The following MICAL3 variants were observed in gnomAD, a reference collection of about 807,000 sequenced individuals.
The protein encoded by MICAL3 is microtubule associated monooxygenase, calponin and LIM domain containing 3, also known as [F-actin]-monooxygenase MICAL3.
Under a neutral mutation model 207.4 loss-of-function variants are expected in MICAL3, and 62 were observed. The observed-to-expected ratio is 0.30, with a 90% CI of 0.24 to 0.37. The LOEUF is 0.37. MICAL3 is among the 10% of genes least tolerant of loss of function. The pLI is 1.00. For synonymous variants in MICAL3, 1,077 were observed against 1,069.3 expected (o/e 1.01, Z -0.14); for missense variants, 2,368 against 2,635.6 (o/e 0.90, Z 2.22).
rs114745169 is a variant in MICAL3, at chr22:17,900,262, T to C, written c.847+580A>G. 6.6e-6 allele frequency among the ~76,000 whole-genome samples: 1 copy of C among 152,164 alleles called. No individual in the cohort carries two copies. Among genetic ancestry groups the C allele is most frequent in the African/African-American group, 2.4e-5 (1 of 41,506 alleles). On this transcript the variant is annotated intron_variant, in intron 6 of 31. Coordinates refer to ENST00000441493, the MANE Select transcript of MICAL3 (RefSeq NM_015241.3). This position sits in a 1 kb window ranked among gnomAD's most constrained non-coding sequence, Gnocchi z 4.0. ...TCAGCATCACAGCACAGGGCAGGCA[T>C]TGGGAAGAACTAGTGGAGGCAGAAC... is the stretch of plus-strand genomic sequence containing the variant.
At position 17,790,637 on chromosome 22, in the gene MICAL3, G is replaced by A. The variant is rs376461892; in HGVS notation, c.*95C>T. On this transcript the variant is annotated 3_prime_UTR_variant, in exon 32 of 32. Transcript: ENST00000441493. ...GGCATCTGAGCGTAAACTCCAAGGA[G>A]GTGCCAGGCCTCCTCAGATCGCGGC... 1.7e-6 allele frequency: 2 copies of A among 1,161,634 alleles called. No homozygotes were observed. The highest frequency in any genetic ancestry group is 2.4e-6 in the Non-Finnish European group (2 of 831,070). 72.0% of individuals were successfully genotyped at this position (1,161,634 alleles called of 1,614,324 possible).
chr22:17,878,597 G>A (rs1929113181), intron 16 of MICAL3, among the ~76,000 whole-genome samples: 1 of 152,192 alleles, frequency 6.6e-6, no homozygotes, highest in Non-Finnish European at 1.5e-5. Context: ...AACCAAAATG[G>A]CTTTTGTGAG....
chr22:17,838,379 C>T (rs1395766235), intron 20 of MICAL3, among the ~76,000 whole-genome samples: 3 of 152,184 alleles, frequency 2.0e-5, no homozygotes, highest in Non-Finnish European at 4.4e-5. Flanking sequence ...AAACCCAAGT[C>T]CCGGCATCAA....
chr22:17,815,090 T>G (rs891098706), intron 27 of MICAL3: 1 of 152,274 alleles, frequency 6.6e-6, no homozygotes, highest in Non-Finnish European at 1.5e-5. Flanking sequence ...GTATGTGACG[T>G]CTAGCAAACG....
At position 17,798,096 on chromosome 22, in the gene MICAL3, G is replaced by C. The variant is rs1569068225; in HGVS notation, c.5651-6795C>G. 3.9e-5 allele frequency among the ~76,000 whole-genome samples: 6 copies of C among 152,240 alleles called. 1 individual carries two copies. In the South Asian group the frequency reaches 1.2e-3, roughly 32 times the overall value. On this transcript the variant is annotated intron_variant, in intron 29 of 31. Coordinates refer to ENST00000441493, the MANE Select transcript of MICAL3 (RefSeq NM_015241.3). Reference sequence around the variant, plus strand: ...ATGCTGCATTTCCCCAGGGAACACGGGTTAGGTCCTGGAGTGTCACCAGAC... The same window carrying C: ...ATGCTGCATTTCCCCAGGGAACACGCGTTAGGTCCTGGAGTGTCACCAGAC...
At chr22:17,984,103 A>G (rs1385969921) in intron 1 of MICAL3, among the ~76,000 whole-genome samples, 1 of 152,168 alleles carries the variant, frequency 6.6e-6, no homozygotes, top group African/African-American at 2.4e-5. Flanking sequence ...AAGTTCAACA[A>G]TCAACAGCTC....
intron 16 of MICAL3, among the ~76,000 whole-genome samples, chr22:17,876,143 G>C (rs956008981): frequency 1.1e-4 from 16 of 152,128 alleles, no homozygotes; most frequent in African/African-American, 3.9e-4. Context: ...GAGGAGAAAA[G>C]ACTTGAGCCC....
intron 1 of MICAL3, among the ~76,000 whole-genome samples, chr22:17,975,500 C>T (rs1312526751): frequency 6.6e-6 from 1 of 152,110 alleles, no homozygotes; most frequent in Non-Finnish European, 1.5e-5. Flanking sequence ...TTTTTCCGCT[C>T]CCATGCCCCA....
chr22:17,935,457 A>T (rs1446780998), intron 1 of MICAL3, among the ~76,000 whole-genome samples: 1 of 152,238 alleles, frequency 6.6e-6, no homozygotes, highest in Non-Finnish European at 1.5e-5. Context: ...TAAATGTTAG[A>T]CCTAAAATCA....
At chr22:18,003,092 G>A (rs914715207) in intron 1 of MICAL3, among the ~76,000 whole-genome samples, 3 of 151,500 alleles carry the variant, frequency 2.0e-5, no homozygotes, top group Non-Finnish European at 4.4e-5. Context: ...CTCGGGAGGC[G>A]GAGCTTTCAG....
intron 22 of MICAL3, among the ~76,000 whole-genome samples, chr22:17,824,045 TC>T (rs1921909060): frequency 1.3e-5 from 2 of 152,130 alleles, no homozygotes; most frequent in South Asian, 2.1e-4. Flanking sequence ...GGCAAAACCC[TC>T]GACAACTTCC....
At chr22:17,949,879 G>C (rs957659145) in intron 1 of MICAL3, among the ~76,000 whole-genome samples, 1 of 152,228 alleles carries the variant, frequency 6.6e-6, no homozygotes, top group African/African-American at 2.4e-5. Context: ...ATGCGAATCT[G>C]GGTCCAGCAG....
chr22:17,893,259 G>A (rs1002645627), intron 11 of MICAL3, among the ~76,000 whole-genome samples: 1 of 152,060 alleles, frequency 6.6e-6, no homozygotes, highest in African/African-American at 2.4e-5. Context: ...TGGTCTCCCT[G>A]CCTCTGGTAC....
intron 11 of MICAL3, among the ~76,000 whole-genome samples, chr22:17,892,859 C>T (rs865808140): frequency 2.8e-4 from 42 of 152,200 alleles, no homozygotes; most frequent in African/African-American, 8.9e-4. Flanking sequence ...GCCTTGCCTA[C>T]GCTGATGTAG....
intron 16 of MICAL3, among the ~76,000 whole-genome samples, chr22:17,878,277 G>A (rs1293293866): frequency 6.6e-6 from 1 of 152,212 alleles, no homozygotes; most frequent in Non-Finnish European, 1.5e-5. Context: ...CTTTTTGAGG[G>A]GACACAGCCT....
chr22:17,965,359 G>A (rs2146395539), intron 1 of MICAL3, among the ~76,000 whole-genome samples: 1 of 152,248 alleles, frequency 6.6e-6, no homozygotes, highest in South Asian at 2.1e-4. Context: ...ATGCTTAAGA[G>A]AGGTCCTGAA....
intron 16 of MICAL3, among the ~76,000 whole-genome samples, chr22:17,877,466 T>G (rs1201784243): frequency 6.1e-5 from 7 of 115,552 alleles, no homozygotes; most frequent in East Asian, 2.4e-4. Context: ...TTAGGGAGAT[T>G]ATGGAGGTTA....
At chr22:17,807,260 G>A (rs902459108) in intron 29 of MICAL3, among the ~76,000 whole-genome samples, 2 of 152,344 alleles carry the variant, frequency 1.3e-5, no homozygotes, top group Non-Finnish European at 2.9e-5. Flanking sequence ...GGACGCAGTC[G>A]GGCACAGGTG....
chr22:17,983,807 A>G (rs964296908), intron 1 of MICAL3, among the ~76,000 whole-genome samples: 50 of 152,106 alleles, frequency 3.3e-4, no homozygotes, highest in Admixed American at 2.6e-3. Flanking sequence ...GAAGAACCCT[A>G]TGCTAAAGGT....
Sources: allele counts gnomAD v4.1 joint callset (sites outside exome capture counted in the v4.1 genomes callset), GRCh38; gene constraint gnomAD v4.1.1; non-coding constraint Gnocchi (gnomAD v3.1); transcripts MANE v1.5; gene names NCBI Gene and HGNC (gene_info 2026-07-23, HGNC 2026-07-21).